The following ATP6V0A2 variants were observed in gnomAD, a reference collection of about 807,000 sequenced individuals.
ATP6V0A2 encodes the protein V-type proton ATPase 116 kDa subunit a 2.
In ATP6V0A2, 58 loss-of-function variants were observed where a neutral mutation model predicts 104.4. That is an observed-to-expected ratio of 0.56 (90% CI 0.45 to 0.69). The LOEUF (loss-of-function observed/expected upper bound fraction) is 0.69, where lower values mean the gene tolerates loss of function less well. Among genes scored for constraint, ATP6V0A2 ranks in the 30% least tolerant of loss-of-function variants. The pLI, the probability that ATP6V0A2 is intolerant of heterozygous loss-of-function variation, is 0.00. For synonymous variants in ATP6V0A2, 376 were observed against 397.9 expected, an observed-to-expected ratio of 0.95 and a Z score of 0.65; for missense variants, 938 against 1,062.9, an observed-to-expected ratio of 0.88 and a Z score of 1.63.
chr12:123,753,870 A>T (rs1016710259), intron 17 of ATP6V0A2: 3 of 153,978 alleles, frequency 1.9e-5, no homozygotes, highest in African/African-American at 4.8e-5. Context: ...GACAATTAAT[A>T]ATTAAGTTCT....
intron 15 of ATP6V0A2, among the ~76,000 whole-genome samples, 161 bp downstream of exon 15, chr12:123,748,946 T>G (rs1389781335): frequency 2.6e-5 from 4 of 152,166 alleles, no homozygotes; most frequent in African/African-American, 9.7e-5. Context: ...GCTTGACCGC[T>G]GTGTGCAGGC....
In ATP6V0A2 at chr12:123,744,095, G is replaced by A; in HGVS notation, c.1190-106G>A. The A allele has an allele frequency of 6.4e-7, 1 of 1,558,032 alleles. No individual in the cohort carries two copies. Among genetic ancestry groups the A allele is most frequent in the Middle Eastern group, 1.7e-4 (1 of 5,950 alleles). On this transcript the variant is annotated intron_variant, in intron 10 of 19. Transcript: ENST00000330342. This position sits in a 1 kb window ranked among gnomAD's most constrained non-coding sequence, Gnocchi z 5.4. ...AAATGTAACCACACAATCCTATCTT[G>A]TGAATTCTGGAGAAAGTCAAGATTG...
chr12:123,744,352 A>G lies in ATP6V0A2; in HGVS notation c.1326+15A>G. On this transcript the variant is annotated intron_variant, in intron 11 of 19. Transcript: ENST00000330342. This position sits in a 1 kb window ranked among gnomAD's most constrained non-coding sequence, Gnocchi z 5.4. ...AGTCACAAGAGGTAAAAATATAAAC[A>G]CTCCAGCTCATATATCTGGTTAGGT... The G allele has an allele frequency of 6.2e-7, 1 of 1,614,126 alleles. No individual in the cohort carries two copies.
At chr12:123,733,874 C>T (rs1211509588) in intron 6 of ATP6V0A2, 52 bp from the exon 7 acceptor site, 3 of 1,373,122 alleles carry the variant, frequency 2.2e-6, no homozygotes, top group Non-Finnish European at 2.1e-6. Context: ...TGCCGAAGTT[C>T]TAGAAGTTTA....
intron 13 of ATP6V0A2, among the ~76,000 whole-genome samples, chr12:123,746,929 CA>C (rs573183684): frequency 7.3e-4 from 102 of 139,738 alleles, no homozygotes; most frequent in African/African-American, 1.2e-3. Context: ...CGAGACTCCT[CA>C]AAAAAAAAAA....
chr12:123,740,270 C>T (rs188156238), intron 9 of ATP6V0A2, among the ~76,000 whole-genome samples: 2 of 150,580 alleles, frequency 1.3e-5, no homozygotes, highest in African/African-American at 4.9e-5. Flanking sequence ...TGGCATGATA[C>T]TGGCTCACTG....
At position 123,744,985 on chromosome 12, in the gene ATP6V0A2, C is replaced by T. The variant is rs1031913267; in HGVS notation, c.1605+13C>T. 5 of 1,612,372 alleles carry T rather than the reference C, an allele frequency of 3.1e-6. No individual in the cohort carries two copies. In the South Asian group the frequency reaches 3.3e-5, roughly 11 times the overall value. On this transcript the variant is annotated intron_variant, in intron 13 of 19. Transcript: ENST00000330342. The surrounding 1 kb of genome is among the most constrained non-coding windows in gnomAD (Gnocchi z 5.4). ...TGGCATTGATCCTGTGAGTGCACCA[C>T]GCTCTGTCGTTGTCTCTGGATGCTC...
chr12:123,744,823 C>T lies in ATP6V0A2; in HGVS notation c.1514+39C>T, dbSNP rs1336166173. The T allele has an allele frequency of 6.2e-7, 1 of 1,614,084 alleles. No individual in the cohort carries two copies. Among genetic ancestry groups the T allele is most frequent in the East Asian group, 2.2e-5 (1 of 44,882 alleles). On this transcript the variant is annotated intron_variant, in intron 12 of 19. Coordinates refer to ENST00000330342, the MANE Select transcript of ATP6V0A2 (RefSeq NM_012463.4). The surrounding 1 kb of genome is among the most constrained non-coding windows in gnomAD (Gnocchi z 5.4). ...AGCTGGTGATGCTCTGGGTGGAAAGCATGTTTCCTAGACCTTCCTCCTCCC... is the reference window on the plus strand; with the variant it reads ...AGCTGGTGATGCTCTGGGTGGAAAGTATGTTTCCTAGACCTTCCTCCTCCC...
rs1208126799 is a variant in ATP6V0A2 at position 123,756,797 on chromosome 12, G to A, written c.2294-18G>A. On this transcript the variant is annotated intron_variant, in intron 18 of 19. Transcript: ENST00000330342. ...TACATAAGCGAGCATGACCTGTGCA[G>A]GCTGCACTCCTTTGCAGAGTTGTCT... The A allele has an allele frequency of 6.2e-7, 1 of 1,613,226 alleles. No homozygotes were observed. The highest frequency in any genetic ancestry group is 2.2e-5 in the East Asian group (1 of 44,890).
rs1227015665 is a variant in ATP6V0A2 at position 123,757,929 on chromosome 12, TAGAA to T, written c.2469_2472del (p.Glu824PhefsTer51). ...TACATGGCTTTTTTTTTTTTTAGGG[TAGAA>T]TTTCAGAACAAATTCTACGTTGGTG... On this transcript the variant is annotated frameshift_variant, in exon 20 of 20. Coordinates refer to ENST00000330342, the MANE Select transcript of ATP6V0A2 (RefSeq NM_012463.4). LOFTEE classifies it high-confidence loss of function. 32 of 1,565,948 alleles carry T rather than the reference TAGAA, an allele frequency of 2.0e-5. No individual in the cohort carries two copies. Among genetic ancestry groups the T allele is most frequent in the Admixed American group, 1.7e-4 (10 of 57,478 alleles).
intron 1 of ATP6V0A2, among the ~76,000 whole-genome samples, chr12:123,713,995 C>T (rs1342057184): frequency 6.6e-6 from 1 of 152,204 alleles, no homozygotes; most frequent in Non-Finnish European, 1.5e-5. Flanking sequence ...CCTGGAGCCA[C>T]TTCTGCAGTT....
At chr12:123,750,913 A>T in intron 15 of ATP6V0A2, 197 bp from the exon 16 acceptor site, 1 of 648,192 alleles carries the variant, frequency 1.5e-6, no homozygotes, top group Non-Finnish European at 2.7e-6. Context: ...CAGGGTCATT[A>T]ATGTTATTCA....
intron 8 of ATP6V0A2, 121 bp from the exon 9 acceptor site, chr12:123,736,938 G>C (rs779941894): frequency 1.8e-5 from 17 of 965,740 alleles, no homozygotes; most frequent in Non-Finnish European, 2.5e-5. Context: ...ACCAGGATAG[G>C]CAGGTGCCTG....
chr12:123,722,988 T>A (rs766185269), intron 3 of ATP6V0A2, among the ~76,000 whole-genome samples: 11 of 152,222 alleles, frequency 7.2e-5, no homozygotes, highest in African/African-American at 1.2e-4. Context: ...GGGATACATG[T>A]GTCCCCGGTG....
chr12:123,757,036 C>A, intron 19 of ATP6V0A2, 50 bp downstream of exon 19: 1 of 1,591,960 alleles, frequency 6.3e-7, no homozygotes, highest in Non-Finnish European at 8.6e-7. Context: ...ACATACCCGC[C>A]CCCCCACTGC....
Position 123,737,049 on chromosome 12 carries a change from T to G in ATP6V0A2, c.826-10T>G, listed in dbSNP as rs1956560907. The G allele has an allele frequency of 6.2e-7, 1 of 1,614,092 alleles. No homozygotes were observed. Among genetic ancestry groups the G allele is most frequent in the Non-Finnish European group, 8.5e-7 (1 of 1,179,932 alleles). ...CCACTCCACTGAAAGCCCCTGTTGT[T>G]CTTCCCCAGGTACTGCACAAAACCG... On this transcript the variant is annotated splice_polypyrimidine_tract_variant and intron_variant, in intron 8 of 19. Coordinates refer to ENST00000330342, the MANE Select transcript of ATP6V0A2 (RefSeq NM_012463.4).
chr12:123,734,152 C>T, intron 7 of ATP6V0A2, 144 bp downstream of exon 7: 1 of 645,262 alleles, frequency 1.5e-6, no homozygotes, highest in Non-Finnish European at 2.7e-6. Flanking sequence ...AGTTCTTAAA[C>T]ATTTAATTTG....
Position 123,752,329 on chromosome 12 carries a change from T to C in ATP6V0A2, c.2102T>C (p.Leu701Ser). 6.2e-7 allele frequency: 1 copy of C among 1,614,190 alleles called. No homozygotes were observed. The highest frequency in any genetic ancestry group is 1.1e-5 in the South Asian group (1 of 91,088). The change falls in exon 17 of 20, where the codon TTG becomes TCG. Residue 701 changes from leucine to serine, a missense_variant. By Grantham distance (145) the Leu-to-Ser change is moderately radical. Transcript: ENST00000330342. ...AAAGATAGTGAGGAAGAAGTTTCAT[T>C]GCTGGGAAGCCAAGATATAGAAGAG... is the stretch of plus-strand genomic sequence containing the variant. The part of the protein sequence containing the change: ...IRKDSEEEVS[L>S]LGSQDIEEGN...
chr12:123,750,818 C>T (rs948903262), intron 15 of ATP6V0A2: 1 of 416,418 alleles, frequency 2.4e-6, no homozygotes, highest in Non-Finnish European at 4.5e-6. Context: ...ACAGTGTTTA[C>T]AGAAAATGAT....
Sources: gnomAD v4.1 joint callset for allele counts (sites outside exome capture counted in the v4.1 genomes callset) on GRCh38, gnomAD v4.1.1 for gene constraint, Gnocchi (gnomAD v3.1) non-coding constraint, MANE v1.5 for transcripts, NCBI Gene and HGNC (gene_info 2026-07-23, HGNC 2026-07-21) for gene names.